Variants in CHADL observed in about 807,000 individuals in gnomAD.
The protein encoded by CHADL is chondroadherin-like protein.
Under a neutral mutation model 52.1 loss-of-function variants are expected in CHADL, and 48 were observed. The ratio of observed to expected loss-of-function variants is 0.92; its 90% CI spans 0.73 to 1.17. The LOEUF is 1.17. Among genes scored for constraint, CHADL ranks in the 50% most tolerant of loss-of-function variants. The probability of loss-of-function intolerance (pLI) is 0.00; values close to 1 mark genes in which losing one functional copy is unlikely to be tolerated. For synonymous variants in CHADL, 498 were observed against 511.2 expected (o/e 0.97, Z 0.35); for missense variants, 977 against 1,035.1 (o/e 0.94, Z 0.77).
In CHADL at chr22:41,238,156, G is replaced by A. The variant is rs965703892; in HGVS notation, c.916C>T (p.Arg306Trp). The change falls in exon 3 of 6, where the codon CGG becomes TGG. Residue 306 changes from arginine to tryptophan, a missense_variant. By Grantham distance (101) the Arg-to-Trp change is moderately radical. Transcript: ENST00000216241. The surrounding 1 kb of genome is among the most constrained non-coding windows in gnomAD (Gnocchi z 4.9). The part of the protein sequence containing the change: ...LQGPGQLRRL[R>W]LQGNPLWCGC... ...CACCACAGCGGATTCCCCTGCAGCC[G>A]CAGCCGGCGCAGCTGGCCCGGGCCC... 3 of 1,454,042 alleles carry A rather than the reference G, an allele frequency of 2.1e-6. No individual in the cohort carries two copies. The highest frequency in any genetic ancestry group is 2.6e-5 in the Admixed American group (1 of 38,198). The allele number at this position is 1,454,042 out of a possible 1,614,324, so 90.1% of individuals were successfully genotyped here. A position where few individuals can be genotyped will look rare whatever the true frequency, so the allele number is the denominator to read the frequency against.
rs2032824618 is a variant in CHADL at position 41,239,571 on chromosome 22, G to T, written c.58C>A (p.Leu20Met). 1 of 1,547,336 alleles carries T rather than the reference G, an allele frequency of 6.5e-7. No individual in the cohort carries two copies. The highest frequency in any genetic ancestry group is 8.7e-7 in the Non-Finnish European group (1 of 1,145,398). ...VPLVLPLLVL[L>M]LLAPARQAAA... ...GCCTGCCTAGCCGGGGCCAGCAGCA[G>T]AAGTACAAGAAGCGGCAGCACCAAG... Residue 20 changes from leucine (L) to methionine (M), a missense_variant, in exon 2 of 6, where the codon CTG becomes ATG. Coordinates refer to ENST00000216241, the MANE Select transcript of CHADL (RefSeq NM_138481.2).
At position 41,238,573 on chromosome 22, in the gene CHADL, G is replaced by C; in HGVS notation, c.499C>G (p.His167Asp). The part of the protein sequence containing the change: ...LGALATLNLA[H>D]NALVYLPAMA... ...GCGGGCAGGTAAACCAGGGCGTTGTGGGCCAGGTTTAGCGTGGCCAGCGCA... is the reference window on the plus strand; with the variant it reads ...GCGGGCAGGTAAACCAGGGCGTTGTCGGCCAGGTTTAGCGTGGCCAGCGCA... The change falls in exon 3 of 6, where the codon CAC (histidine) becomes GAC (aspartate). Residue 167 changes from histidine (H) to aspartate (D), a missense_variant. Physicochemically the swap from His to Asp is moderately conservative, Grantham distance 81. Transcript: ENST00000216241. This position sits in a 1 kb window ranked among gnomAD's most constrained non-coding sequence, Gnocchi z 4.9. 6.5e-7 allele frequency: 1 copy of C among 1,546,374 alleles called. No homozygotes were observed. Among genetic ancestry groups the C allele is most frequent in the Non-Finnish European group, 8.7e-7 (1 of 1,146,472 alleles).
Position 41,238,656 on chromosome 22 carries a change from A to AGCC in CHADL, c.413_415dup (p.Arg138dup), listed in dbSNP as rs1352390467. 1 of 1,543,726 alleles carries AGCC rather than the reference A, an allele frequency of 6.5e-7. No individual in the cohort carries two copies. Among genetic ancestry groups the AGCC allele is most frequent in the East Asian group, 2.4e-5 (1 of 40,820 alleles). On this transcript the variant is annotated inframe_insertion, in exon 3 of 6. Transcript: ENST00000216241. The surrounding 1 kb of genome is among the most constrained non-coding windows in gnomAD (Gnocchi z 4.9). ...CTCCAGTGCGTTCCCCTCCAGCTCC[A>AGCC]GCCGCCGCAACGAGCCCAGCCCGTC... is the stretch of plus-strand genomic sequence containing the variant.
intron 5 of CHADL, among the ~76,000 whole-genome samples, chr22:41,231,442 C>T (rs1046930103): frequency 6.6e-6 from 1 of 150,588 alleles, no homozygotes; most frequent in African/African-American, 2.4e-5. Context: ...TGCTGTCATT[C>T]TTTACGGTTG....
rs1215344607 is a variant in CHADL, at chr22:41,240,930, C to G, written c.-49G>C. 2 of 1,529,710 alleles carry G rather than the reference C, an allele frequency of 1.3e-6. No individual in the cohort carries two copies. The highest frequency in any genetic ancestry group is 1.8e-6 in the Non-Finnish European group (2 of 1,139,944). 94.8% of individuals were successfully genotyped at this position (1,529,710 alleles called of 1,614,324 possible). A position where few individuals can be genotyped will look rare whatever the true frequency, so the allele number is the denominator to read the frequency against. On this transcript the variant is annotated 5_prime_UTR_variant, in exon 1 of 6. Transcript: ENST00000216241. Reference sequence around the variant, plus strand: ...CCTGGAGGCGCAGCGCAGGGACAGGCTGTCCCCGCCTGGCAGGAGCCCCCC... The same window carrying G: ...CCTGGAGGCGCAGCGCAGGGACAGGGTGTCCCCGCCTGGCAGGAGCCCCCC...
chr22:41,230,236 G>C, intron 5 of CHADL: 1 of 1,613,632 alleles, frequency 6.2e-7, no homozygotes, highest in Non-Finnish European at 8.5e-7. Flanking sequence ...ACATCAAGCA[G>C]GAAACAGACG....
In CHADL at chr22:41,238,819, C is replaced by A. The variant is rs759337730; in HGVS notation, c.253G>T (p.Val85Leu). ...AGGTCCAGGTGTGTGAGGTGAGGCACGCCCTGGAAGGCGGCTGCGGGGATC... is the reference window on the plus strand; with the variant it reads ...AGGTCCAGGTGTGTGAGGTGAGGCAAGCCCTGGAAGGCGGCTGCGGGGATC... ...KVIPAAAFQG[V>L]PHLTHLDLRH... Residue 85 changes from valine to leucine, a missense_variant, in exon 3 of 6, where the codon GTG becomes TTG. Val to Leu is a conservative substitution (Grantham distance 32, BLOSUM62 1). Coordinates refer to ENST00000216241, the MANE Select transcript of CHADL (RefSeq NM_138481.2). The surrounding 1 kb of genome is among the most constrained non-coding windows in gnomAD (Gnocchi z 4.9). 284 of 1,548,778 alleles carry A rather than the reference C, an allele frequency of 1.8e-4. 1 individual carries two copies. Among genetic ancestry groups the A allele is most frequent in the Middle Eastern group, 5.0e-4 (3 of 6,008 alleles).
intron 5 of CHADL, among the ~76,000 whole-genome samples, chr22:41,234,694 C>T (rs1360829367): frequency 6.6e-6 from 1 of 152,174 alleles, no homozygotes; most frequent in East Asian, 1.9e-4. Flanking sequence ...GCTGGGACTA[C>T]AAGCGCCCAC....
At chr22:41,239,253 T>A (rs1272016136) in intron 2 of CHADL, among the ~76,000 whole-genome samples, 190 bp downstream of exon 2, 1 of 152,252 alleles carries the variant, frequency 6.6e-6, no homozygotes, top group African/African-American at 2.4e-5. Context: ...TTTAAATAGA[T>A]CATCTCCCTG....
At position 41,234,755 on chromosome 22, in the gene CHADL, C is replaced by T. The variant is rs539757369; in HGVS notation, c.2262+390G>A. 5.5e-4 allele frequency among the ~76,000 whole-genome samples: 83 copies of T among 152,224 alleles called. No individual in the cohort carries two copies. In the Middle Eastern group the frequency reaches 0.014, roughly 25 times the overall value. ...ATTTTTAGTAGAGACAGGGTTTCAC[C>T]GTGTTAGCCAGATGGTCTCTATCTC... On this transcript the variant is annotated intron_variant, in intron 5 of 5. Transcript: ENST00000216241.
rs1032772025 is a variant in CHADL, at chr22:41,235,491, G to T, written c.2064-148C>A. 4 of 673,524 alleles carry T rather than the reference G, an allele frequency of 5.9e-6. No individual in the cohort carries two copies. The Admixed American group carries it at 1.1e-4, about 18-fold the overall frequency. 41.7% of individuals were successfully genotyped at this position (673,524 alleles called of 1,614,324 possible). A position where few individuals can be genotyped will look rare whatever the true frequency, so the allele number is the denominator to read the frequency against. On this transcript the variant is annotated intron_variant, in intron 4 of 5. Coordinates refer to ENST00000216241, the MANE Select transcript of CHADL (RefSeq NM_138481.2). ...GCATTCATTCGCTCAACAAGCATTT[G>T]CCAGCTTTCCTGAGGAGGTCAAGGA... is the stretch of plus-strand genomic sequence containing the variant.
intron 5 of CHADL, among the ~76,000 whole-genome samples, chr22:41,232,683 C>T (rs907044968): frequency 1.3e-5 from 2 of 152,094 alleles, no homozygotes; most frequent in African/African-American, 4.8e-5. Context: ...TGGCCTGAGA[C>T]GTCCTGATTC....
chr22:41,240,145 T>A (rs1373803440), intron 1 of CHADL, among the ~76,000 whole-genome samples: 1 of 152,174 alleles, frequency 6.6e-6, no homozygotes, highest in Non-Finnish European at 1.5e-5. Context: ...TGGAGTGCAG[T>A]GGAATGACTA....
At chr22:41,230,471 C>T in intron 5 of CHADL, 2 of 520,296 alleles carry the variant, frequency 3.8e-6, no homozygotes, top group Non-Finnish European at 6.8e-6. Flanking sequence ...TGACGGGCCG[C>T]CTGAGGCCCC....
intron 5 of CHADL, among the ~76,000 whole-genome samples, chr22:41,234,088 G>C (rs1159815513): frequency 4.6e-5 from 7 of 152,184 alleles, no homozygotes; most frequent in Admixed American, 6.5e-5. Flanking sequence ...GTGGGAGGCA[G>C]AGCCAATGAT....
chr22:41,234,958 G>A (rs1034278537), intron 5 of CHADL, among the ~76,000 whole-genome samples, 187 bp downstream of exon 5: 2 of 152,194 alleles, frequency 1.3e-5, no homozygotes, highest in Non-Finnish European at 2.9e-5. Context: ...TGAAGTGCTG[G>A]GATTACAGGC....
chr22:41,231,438 C>A (rs191768039), intron 5 of CHADL, among the ~76,000 whole-genome samples: 1 of 151,536 alleles, frequency 6.6e-6, no homozygotes, highest in African/African-American at 2.4e-5. Context: ...CACATGCTGT[C>A]ATTCTTTACG....
Position 41,238,007 on chromosome 22 carries a change from C to T in CHADL, c.1065G>A (p.Leu355=). Residue 355 remains leucine, a synonymous_variant, in exon 3 of 6, where the codon CTG becomes CTA. Transcript: ENST00000216241. The surrounding 1 kb of genome is among the most constrained non-coding windows in gnomAD (Gnocchi z 4.9). ...CCTGCGCCGCGTCCCCAGGGCAGCG[C>T]AGGTCCCAGGGCCGCAGGGCGTCCA... ...EALDALRPWD[L]RCPGDAAQEE... 7.8e-7 allele frequency: 1 copy of T among 1,283,428 alleles called. No individual in the cohort carries two copies. Among genetic ancestry groups the T allele is most frequent in the Non-Finnish European group, 9.8e-7 (1 of 1,021,756 alleles). The allele number at this position is 1,283,428 out of a possible 1,614,324, so 79.5% of individuals were successfully genotyped here.
intron 5 of CHADL, chr22:41,230,098 T>C: frequency 3.5e-6 from 1 of 281,902 alleles, no homozygotes; most frequent in Non-Finnish European, 6.3e-6. Flanking sequence ...CCTCCCAGAG[T>C]TATTTACTCG....
Sources: gnomAD v4.1 joint callset for allele counts (sites outside exome capture counted in the v4.1 genomes callset) on GRCh38, gnomAD v4.1.1 for gene constraint, Gnocchi (gnomAD v3.1) non-coding constraint, MANE v1.5 for transcripts, NCBI Gene and HGNC (gene_info 2026-07-23, HGNC 2026-07-21) for gene names.